Variants in G3BP2 observed in about 807,000 individuals in gnomAD.
The protein encoded by G3BP2 is ras GTPase-activating protein-binding protein 2.
A neutral mutation model predicts 56.7 loss-of-function variants in G3BP2; 11 were observed. The ratio of observed to expected loss-of-function variants is 0.19; its 90% CI spans 0.12 to 0.32. The LOEUF is 0.32. Among genes scored for constraint, G3BP2 ranks in the 10% least tolerant of loss-of-function variants. The pLI is 1.00. For synonymous variants in G3BP2, 165 were observed against 191.6 expected, an observed-to-expected ratio of 0.86 and a Z score of 1.15; for missense variants, 340 against 610.9, an observed-to-expected ratio of 0.56 and a Z score of 4.67.
chr4:75,723,099 A>T (rs1250375810), intron 1 of G3BP2, among the ~76,000 whole-genome samples: 1 of 152,220 alleles, frequency 6.6e-6, no homozygotes, highest in Admixed American at 6.5e-5. Flanking sequence ...ATGATGTCAG[A>T]GTTGAGCCTT....
chr4:75,680,744 A>G (rs1734038252), intron 3 of G3BP2, among the ~76,000 whole-genome samples: 2 of 152,116 alleles, frequency 1.3e-5, no homozygotes, highest in Non-Finnish European at 2.9e-5. Context: ...AGGCGGGCGG[A>G]TCGCGAGGTC....
intron 4 of G3BP2, 68 bp downstream of exon 4, chr4:75,657,489 G>A (rs955819347): frequency 8.6e-6 from 10 of 1,160,560 alleles, no homozygotes; most frequent in Non-Finnish European, 1.2e-5. Context: ...CCTATTAGAA[G>A]AAACCTCTGG....
intron 8 of G3BP2, among the ~76,000 whole-genome samples, chr4:75,649,839 G>C (rs1731534844): frequency 6.6e-6 from 1 of 152,080 alleles, no homozygotes; most frequent in Non-Finnish European, 1.5e-5. Flanking sequence ...GCGAAACCCA[G>C]TCTCTACTAA....
At chr4:75,674,709 T>A, upstream of G3BP2, among the ~76,000 whole-genome samples, 2 of 46,058 alleles carry the variant, frequency 4.3e-5, no homozygotes, top group South Asian at 1.3e-3. Context: ...TATATATATA[T>A]ATATATATAT....
intron 3 of G3BP2, among the ~76,000 whole-genome samples, chr4:75,700,242 C>T (rs1206838064): frequency 1.3e-5 from 2 of 151,112 alleles, no homozygotes; most frequent in African/African-American, 4.9e-5. Context: ...TTAGTAGAGA[C>T]GGGGTTTGAC....
chr4:75,661,853 C>T (rs561365561), intron 2 of G3BP2, 78 bp downstream of exon 2: 55 of 699,326 alleles, frequency 7.9e-5, no homozygotes, highest in East Asian at 4.1e-4. Context: ...AATGAGGAGA[C>T]AGGAAATGCA....
rs907698170 is a variant in G3BP2, at chr4:75,644,566, A to G, written c.*864T>C. The G allele has an allele frequency of 1.3e-5, 2 of 152,644 alleles. No individual in the cohort carries two copies. The highest frequency in any genetic ancestry group is 4.8e-5 in the African/African-American group (2 of 41,442). 9.5% of individuals were successfully genotyped at this position (152,644 alleles called of 1,614,324 possible). A position where few individuals can be genotyped will look rare whatever the true frequency, so the allele number is the denominator to read the frequency against. On this transcript the variant is annotated 3_prime_UTR_variant, in exon 12 of 12. Coordinates refer to ENST00000359707, the MANE Select transcript of G3BP2 (RefSeq NM_203505.3). ...CATGCTTATTACATTACCAGAGAACAAAAATACAGTAAAGACAATTTTCAC... is the reference window on the plus strand; with the variant it reads ...CATGCTTATTACATTACCAGAGAACGAAAATACAGTAAAGACAATTTTCAC...
At position 75,648,721 on chromosome 4, in the gene G3BP2, T is replaced by C. The variant is rs773521038; in HGVS notation, c.846A>G (p.Pro282=). 4 of 1,605,750 alleles carry C rather than the reference T, an allele frequency of 2.5e-6. No homozygotes were observed. The highest frequency in any genetic ancestry group is 3.4e-6 in the Non-Finnish European group (4 of 1,173,180). The change falls in exon 9 of 12, where the codon CCA becomes CCG. Residue 282 remains proline (P), a synonymous_variant. Transcript: ENST00000359707. ...PVSQPRVEAK[P]EVQSQPPRVR... ...CACGAGGTGGCTGAGATTGAACTTC[T>C]GGTTTAGCTTCGACTCTTGGCTAAA...
intron 3 of G3BP2, among the ~76,000 whole-genome samples, chr4:75,715,682 T>C (rs114502607): frequency 2.8e-3 from 433 of 152,266 alleles, no homozygotes; most frequent in Non-Finnish European, 3.8e-3. Context: ...GCAACAGAGT[T>C]AAAGGTGCAG....
chr4:75,664,086 G>A lies in G3BP2; in HGVS notation c.-24-2037C>T, dbSNP rs574187786. ...ATTAGTAGAGACGGGGTTTCACCAT[G>A]TTAGCCAGACTGGTCTTGAACTCCT... On this transcript the variant is annotated intron_variant, in intron 1 of 11. Transcript: ENST00000359707. 5.9e-5 allele frequency among the ~76,000 whole-genome samples: 9 copies of A among 151,426 alleles called. No individual in the cohort carries two copies. The East Asian group carries it at 1.9e-3, about 31-fold the overall frequency.
rs1169268867 is a variant in G3BP2, at chr4:75,714,311, G to A, written c.-25+6566C>T. Among the ~76,000 whole-genome samples, 3 of 152,116 alleles carry A rather than the reference G, an allele frequency of 2.0e-5. No individual in the cohort carries two copies. In the East Asian group the frequency reaches 5.8e-4, roughly 29 times the overall value. On this transcript the variant is annotated intron_variant, in intron 3 of 3. Transcript: ENST00000499709. ...CTACAAATTCCTCTCACATATTCAG[G>A]GGGAAAATATATACATTTAAAGAAA...
chr4:75,664,502 G>A (rs1732840204), intron 1 of G3BP2, among the ~76,000 whole-genome samples: 2 of 152,080 alleles, frequency 1.3e-5, no homozygotes, highest in Admixed American at 6.6e-5. Context: ...CTTGATCCCA[G>A]GAGGCAGAGT....
At chr4:75,710,689 C>T (rs780256817) in intron 3 of G3BP2, among the ~76,000 whole-genome samples, 6 of 152,002 alleles carry the variant, frequency 3.9e-5, no homozygotes, top group East Asian at 1.9e-4. Context: ...TTTTCAGGAA[C>T]GGGGTCTCAC....
intron 3 of G3BP2, among the ~76,000 whole-genome samples, chr4:75,678,855 T>G (rs1388682149): frequency 6.6e-6 from 1 of 152,180 alleles, no homozygotes; most frequent in Admixed American, 6.5e-5. Context: ...TGTAAAACAT[T>G]TTAACAGTGT....
intron 3 of G3BP2, among the ~76,000 whole-genome samples, chr4:75,704,023 T>C (rs77612611): frequency 6.6e-6 from 1 of 151,862 alleles, no homozygotes; most frequent in African/African-American, 2.4e-5. Flanking sequence ...TTTTTTTTTT[T>C]TTCTTTTTTT....
chr4:75,646,131 G>C (rs1194488491), intron 11 of G3BP2, among the ~76,000 whole-genome samples: 1 of 152,098 alleles, frequency 6.6e-6, no homozygotes, highest in African/African-American at 2.4e-5. Flanking sequence ...ATGCAATCTT[G>C]CAATCTTTCC....
chr4:75,692,356 G>A (rs892016265), intron 3 of G3BP2, among the ~76,000 whole-genome samples: 2 of 152,022 alleles, frequency 1.3e-5, no homozygotes, highest in Non-Finnish European at 2.9e-5. Flanking sequence ...CTGTTGCCCA[G>A]GCTGGAGTGC....
At chr4:75,694,350 C>T (rs1280200623) in intron 3 of G3BP2, among the ~76,000 whole-genome samples, 2 of 152,150 alleles carry the variant, frequency 1.3e-5, no homozygotes, top group East Asian at 3.9e-4. Context: ...GCCTGGAATC[C>T]CAGCACTTTG....
intron 3 of G3BP2, among the ~76,000 whole-genome samples, chr4:75,695,312 C>T (rs1719058551): frequency 6.6e-6 from 1 of 152,186 alleles, no homozygotes; most frequent in South Asian, 2.1e-4. Context: ...ATTCTAAGAT[C>T]CACATAAGCT....
Sources: gnomAD v4.1 joint callset for allele counts (sites outside exome capture counted in the v4.1 genomes callset) on GRCh38, gnomAD v4.1.1 for gene constraint, MANE v1.5 for transcripts, NCBI Gene and HGNC (gene_info 2026-07-23, HGNC 2026-07-21) for gene names.